The following SCN2A variants were observed in gnomAD, a reference collection of about 807,000 sequenced individuals.
The protein encoded by SCN2A is sodium channel protein type 2 subunit alpha.
SCN2A carries 20 observed loss-of-function variants against 188.7 expected under a neutral mutation model. The observed-to-expected ratio is 0.11, with a 90% CI of 0.07 to 0.15. The LOEUF (loss-of-function observed/expected upper bound fraction) is 0.15. SCN2A is among the 10% of genes least tolerant of loss of function. SCN2A has a pLI of 1.00. For missense variants in SCN2A, 1,278 were observed against 2,445.0 expected, an observed-to-expected ratio of 0.52 and a Z score of 10.07; for synonymous variants, 804 against 833.1, an observed-to-expected ratio of 0.97 and a Z score of 0.60.
chr2:165,305,675 A>T (rs1446332437), intron 3 of SCN2A, among the ~76,000 whole-genome samples: 2 of 152,226 alleles, frequency 1.3e-5, no homozygotes, highest in Non-Finnish European at 2.9e-5. Context: ...AAGCATGTCA[A>T]ATATAATCTC....
chr2:165,314,690 A>T (rs373156468), intron 10 of SCN2A, among the ~76,000 whole-genome samples: 1 of 152,152 alleles, frequency 6.6e-6, no homozygotes, highest in Admixed American at 6.6e-5. Context: ...TACTCTACAA[A>T]TCCTTTAATT....
chr2:165,273,950 A>G (rs1314198557), intron 1 of SCN2A: 2 of 152,102 alleles, frequency 1.3e-5, no homozygotes, highest in Non-Finnish European at 2.9e-5. Flanking sequence ...TCATTTGTAG[A>G]TTAAACTGGT....
At chr2:165,282,225 T>C (rs547399058) in intron 1 of SCN2A, among the ~76,000 whole-genome samples, 3 of 152,284 alleles carry the variant, frequency 2.0e-5, no homozygotes, top group Non-Finnish European at 4.4e-5. Context: ...AATCCAGGCA[T>C]GTCAGGTGCA....
At chr2:165,330,589 AT>A (rs1698622157) in intron 13 of SCN2A, among the ~76,000 whole-genome samples, 1 of 152,178 alleles carries the variant, frequency 6.6e-6, no homozygotes, top group African/African-American at 2.4e-5. Flanking sequence ...ATTTAAATAC[AT>A]TTAAATAAAT....
At chr2:165,296,553 A>G (rs1254935627) in intron 2 of SCN2A, 1 of 194,590 alleles carries the variant, frequency 5.1e-6, no homozygotes, top group Non-Finnish European at 1.1e-5. Flanking sequence ...TTATTCCTTT[A>G]TACCATACTT....
chr2:165,358,917 TCA>T (rs1403244557), intron 17 of SCN2A, among the ~76,000 whole-genome samples: 2 of 152,118 alleles, frequency 1.3e-5, no homozygotes, highest in Non-Finnish European at 2.9e-5. Flanking sequence ...AATGTTGAAA[TCA>T]CAGTTTTATG....
At chr2:165,274,230 G>A (rs770203337) in intron 1 of SCN2A, 6 of 149,976 alleles carry the variant, frequency 4.0e-5, no homozygotes, top group South Asian at 2.1e-4. Context: ...AAATGAATTC[G>A]AAATATTTTA....
intron 1 of SCN2A, among the ~76,000 whole-genome samples, chr2:165,262,393 T>C (rs1217904285): frequency 6.6e-6 from 1 of 152,086 alleles, no homozygotes; most frequent in Non-Finnish European, 1.5e-5. Flanking sequence ...CCCTGAGTCC[T>C]CAAAGTCCAT....
intron 1 of SCN2A, chr2:165,293,818 A>G (rs1696341586): frequency 1.0e-6 from 1 of 984,990 alleles, no homozygotes; most frequent in Admixed American, 6.2e-5. Context: ...CAGTTCCACA[A>G]CTGAGAGCTT....
At chr2:165,323,872 G>T (rs1418617265) in intron 12 of SCN2A, among the ~76,000 whole-genome samples, 2 of 152,166 alleles carry the variant, frequency 1.3e-5, no homozygotes, top group East Asian at 1.9e-4. Context: ...TGTGATTGTT[G>T]TTCATTTAAA....
At chr2:165,291,528 C>CTTTTCTTTCTTT (rs1559340566) in intron 1 of SCN2A, among the ~76,000 whole-genome samples, 1 of 27,772 alleles carries the variant, frequency 3.6e-5, no homozygotes, top group African/African-American at 1.2e-4. Flanking sequence ...TCCTTTCTTT[C>CTTTTCTTTCTTT]CTTCCTTCCT....
chr2:165,285,276 A>C (rs930148554), intron 1 of SCN2A: 1 of 154,352 alleles, frequency 6.5e-6, no homozygotes, highest in African/African-American at 2.4e-5. Flanking sequence ...TACACTTGAC[A>C]TCAGTCACCA....
At chr2:165,346,284 G>A (rs940038001) in intron 16 of SCN2A, among the ~76,000 whole-genome samples, 3 of 152,040 alleles carry the variant, frequency 2.0e-5, no homozygotes, top group Non-Finnish European at 4.4e-5. Context: ...AGTTCTCCTG[G>A]TTATCCTGAA....
intron 13 of SCN2A, among the ~76,000 whole-genome samples, chr2:165,329,881 G>A (rs946486186): frequency 2.0e-5 from 3 of 152,038 alleles, no homozygotes; most frequent in African/African-American, 7.2e-5. Flanking sequence ...ACAAAGTTAT[G>A]TATTAAGGGA....
rs200750708 is a variant in SCN2A at position 165,354,415 on chromosome 2, A to T, written c.3143A>T (p.Lys1048Ile). Residue 1048 changes from lysine (K) to isoleucine (I), a missense_variant, in exon 17 of 27, where the codon AAA (lysine) becomes ATA (isoleucine). By Grantham distance (102) the Lys-to-Ile change is moderately radical. Coordinates refer to ENST00000375437, the MANE Select transcript of SCN2A (RefSeq NM_001040142.2). ...EIKPLEDLNN[K>I]KDSCISNHTT... is the part of the protein sequence containing the mutation. ...AAACCGCTTGAAGATCTAAATAATA[A>T]AAAAGACAGCTGTATTTCCAACCAT... The T allele has an allele frequency of 6.2e-7, 1 of 1,614,130 alleles. No homozygotes were observed. Among genetic ancestry groups the T allele is most frequent in the East Asian group, 2.2e-5 (1 of 44,868 alleles).
intron 14 of SCN2A, among the ~76,000 whole-genome samples, chr2:165,333,485 C>T (rs1173093744): frequency 6.6e-6 from 1 of 151,400 alleles, no homozygotes; most frequent in East Asian, 1.9e-4. Context: ...AAATTAGAAA[C>T]CAATAACAAG....
At chr2:165,244,861 T>C (rs1316697779) in intron 1 of SCN2A, among the ~76,000 whole-genome samples, 1 of 152,202 alleles carries the variant, frequency 6.6e-6, no homozygotes, top group East Asian at 1.9e-4. Flanking sequence ...ATTATGTGAT[T>C]GTGTAATTAC....
intron 1 of SCN2A, among the ~76,000 whole-genome samples, chr2:165,291,348 G>A (rs114910365): frequency 0.015 from 1,207 of 81,964 alleles, 42 homozygotes; most frequent in African/African-American, 0.03. Context: ...CTTGTCTGTC[G>A]TTCGTTCCTT....
At chr2:165,306,278 T>G (rs1030486881) in intron 3 of SCN2A, among the ~76,000 whole-genome samples, 5 of 152,058 alleles carry the variant, frequency 3.3e-5, no homozygotes, top group African/African-American at 4.8e-5. Flanking sequence ...TGGAGCCTAG[T>G]AGGAAAATAC....
Sources: allele counts gnomAD v4.1 joint callset (sites outside exome capture counted in the v4.1 genomes callset), GRCh38; gene constraint gnomAD v4.1.1; transcripts MANE v1.5; gene names NCBI Gene and HGNC (gene_info 2026-07-23, HGNC 2026-07-21).